ALK: variants seen among roughly 807,000 people sequenced by gnomAD.
The protein encoded by ALK is ALK receptor tyrosine kinase, also known as ALK tyrosine kinase receptor.
A neutral mutation model predicts 163.1 loss-of-function variants in ALK; 74 were observed. The ratio of observed to expected loss-of-function variants is 0.45; its 90% CI spans 0.38 to 0.55. The LOEUF is 0.55. Ranked by LOEUF, ALK falls within the 20% of genes least tolerant of loss-of-function variation. ALK has a pLI of 0.00. For synonymous variants in ALK, 960 were observed against 843.2 expected, an observed-to-expected ratio of 1.14 and a Z score of -2.40; for missense variants, 2,063 against 2,105.3, an observed-to-expected ratio of 0.98 and a Z score of 0.39.
intron 3 of ALK, among the ~76,000 whole-genome samples, chr2:29,621,298 T>C (rs1558412180): frequency 1.3e-5 from 2 of 152,204 alleles, no homozygotes. Context: ...GTTGTTGTGG[T>C]TTTGCTATTG....
At chr2:29,914,183 TACC>T (rs754773087) in intron 1 of ALK, among the ~76,000 whole-genome samples, 16 of 152,196 alleles carry the variant, frequency 1.1e-4, no homozygotes, top group Non-Finnish European at 1.6e-4. Flanking sequence ...AGGAAGTAAA[TACC>T]ACACTTCAAT....
intron 4 of ALK, among the ~76,000 whole-genome samples, chr2:29,442,604 G>A (rs2148083068): frequency 6.6e-6 from 1 of 152,236 alleles, no homozygotes; most frequent in East Asian, 1.9e-4. Context: ...TGGTAAAAAT[G>A]GGGATGTAGT....
chr2:29,524,716 A>G (rs11685790), intron 4 of ALK, among the ~76,000 whole-genome samples: 18,289 of 152,236 alleles, frequency 0.12, 1,474 homozygotes, highest in Non-Finnish European at 0.19. Context: ...CCTAGATGAG[A>G]GTCAATATGT....
At chr2:29,912,588 A>C (rs1047862929) in intron 1 of ALK, among the ~76,000 whole-genome samples, 1 of 152,130 alleles carries the variant, frequency 6.6e-6, no homozygotes, top group Non-Finnish European at 1.5e-5. Flanking sequence ...TTGAAACTTG[A>C]GGAAAAGGGA....
At chr2:29,526,105 A>G (rs917441319) in intron 4 of ALK, among the ~76,000 whole-genome samples, 1 of 152,096 alleles carries the variant, frequency 6.6e-6, no homozygotes, top group Non-Finnish European at 1.5e-5. Context: ...CCACTCTCCC[A>G]TGACCCTGAG....
chr2:29,391,304 T>G (rs4075725), intron 4 of ALK, among the ~76,000 whole-genome samples: 1,876 of 84,060 alleles, frequency 0.022, 22 homozygotes, highest in East Asian at 0.047. Context: ...CCTCTTTTTT[T>G]TGGGGGGGGG....
At chr2:29,601,187 G>A (rs912584787) in intron 3 of ALK, among the ~76,000 whole-genome samples, 3 of 152,214 alleles carry the variant, frequency 2.0e-5, no homozygotes, top group Non-Finnish European at 4.4e-5. Context: ...AGAAATATCA[G>A]GGAGTGAAGG....
intron 3 of ALK, among the ~76,000 whole-genome samples, chr2:29,622,063 T>C (rs527891801): frequency 6.6e-6 from 1 of 152,282 alleles, no homozygotes; most frequent in East Asian, 1.9e-4. Context: ...ATGCTGCTAG[T>C]TTACAGGTTA....
intron 12 of ALK, among the ~76,000 whole-genome samples, chr2:29,245,096 G>C (rs1485626843): frequency 1.3e-5 from 2 of 152,148 alleles, no homozygotes; most frequent in Non-Finnish European, 2.9e-5. Context: ...ACACAGTAGG[G>C]GCTCCATGGC....
intron 9 of ALK, among the ~76,000 whole-genome samples, chr2:29,290,484 C>T (rs1665992767): frequency 6.6e-6 from 1 of 152,160 alleles, no homozygotes; most frequent in Admixed American, 6.5e-5. Flanking sequence ...GGAGCAGTTA[C>T]AGATGAAAAT....
intron 15 of ALK, among the ~76,000 whole-genome samples, chr2:29,231,203 T>A (rs1664195400): frequency 6.6e-6 from 1 of 152,120 alleles, no homozygotes. Flanking sequence ...CTGGGCGTGG[T>A]GGCGTGTGCC....
chr2:29,320,155 A>G (rs1289758193), intron 7 of ALK, among the ~76,000 whole-genome samples: 1 of 152,178 alleles, frequency 6.6e-6, no homozygotes, highest in South Asian at 2.1e-4. Flanking sequence ...GGGGCTGGCT[A>G]TCTCTTGGCT....
At chr2:29,216,472 C>A (rs539127065) in intron 23 of ALK, among the ~76,000 whole-genome samples, 1 of 152,250 alleles carries the variant, frequency 6.6e-6, no homozygotes, top group African/African-American at 2.4e-5. Context: ...GGGACTAAAT[C>A]TCTCTGGGCA....
At chr2:29,198,629 C>A (rs762063146) in intron 26 of ALK, among the ~76,000 whole-genome samples, 2 of 152,178 alleles carry the variant, frequency 1.3e-5, no homozygotes, top group Non-Finnish European at 2.9e-5. Context: ...ATGTGTTACT[C>A]TGTTCATCTA....
intron 8 of ALK, among the ~76,000 whole-genome samples, chr2:29,308,296 A>C (rs527286293): frequency 7.9e-5 from 12 of 152,318 alleles, no homozygotes; most frequent in African/African-American, 2.9e-4. Context: ...TCTGGAAGGA[A>C]ATGTACCAAT....
At chr2:29,757,168 T>C (rs1680560726) in intron 1 of ALK, among the ~76,000 whole-genome samples, 1 of 152,104 alleles carries the variant, frequency 6.6e-6, no homozygotes, top group Non-Finnish European at 1.5e-5. Context: ...TGTCCAGGAA[T>C]GGCCAGAAGA....
At chr2:29,409,723 T>C (rs1669682991) in intron 4 of ALK, among the ~76,000 whole-genome samples, 1 of 152,184 alleles carries the variant, frequency 6.6e-6, no homozygotes, top group South Asian at 2.1e-4. Flanking sequence ...TGCTGAGTTT[T>C]GCCTTTCTTT....
chr2:29,793,428 C>T (rs1408486122), intron 1 of ALK, among the ~76,000 whole-genome samples: 2 of 152,156 alleles, frequency 1.3e-5, no homozygotes, highest in Non-Finnish European at 2.9e-5. Context: ...TTGACCTCCT[C>T]CCATGCATTA....
In ALK at chr2:29,358,821, A is replaced by G. The variant is rs536625929; in HGVS notation, c.1282+24911T>C. Among the ~76,000 whole-genome samples the G allele has an allele frequency of 1.1e-3, 170 of 152,300 alleles. 1 individual carries two copies. Among genetic ancestry groups the G allele is most frequent in the African/African-American group, 3.5e-3 (144 of 41,554 alleles). Reference sequence around the variant, plus strand: ...CCCCATGAGGGTACTTAATTTCCTTATAATGAGTTGTCATAGATCCTTCCT... The same window carrying G: ...CCCCATGAGGGTACTTAATTTCCTTGTAATGAGTTGTCATAGATCCTTCCT... On this transcript the variant is annotated intron_variant, in intron 5 of 28. Transcript: ENST00000389048.
Sources: allele counts gnomAD v4.1 joint callset (sites outside exome capture counted in the v4.1 genomes callset), GRCh38; gene constraint gnomAD v4.1.1; transcripts MANE v1.5; gene names NCBI Gene and HGNC (gene_info 2026-07-23, HGNC 2026-07-21).